The following JAK2 variants were observed in gnomAD, a reference collection of about 807,000 sequenced individuals.
The protein encoded by JAK2 is tyrosine-protein kinase JAK2.
JAK2 carries 86 observed loss-of-function variants against 139.3 expected under a neutral mutation model. That is an observed-to-expected ratio of 0.62 (90% confidence interval 0.52 to 0.74). The LOEUF is 0.74. Ranked by LOEUF, JAK2 falls within the 30% of genes least tolerant of loss-of-function variation. JAK2 has a pLI of 0.00. For synonymous variants in JAK2, 490 were observed against 437.7 expected (o/e 1.12, Z -1.49); for missense variants, 1,421 against 1,360.3 (o/e 1.04, Z -0.70).
chr9:4,998,983 G>A (rs148462161), intron 2 of JAK2, among the ~76,000 whole-genome samples: 9,252 of 150,684 alleles, frequency 0.061, 389 homozygotes, highest in Non-Finnish European at 0.098. Flanking sequence ...CACCACGCCC[G>A]GCTATTTTTT....
intron 19 of JAK2, among the ~76,000 whole-genome samples, chr9:5,088,903 T>A (rs1034072): frequency 0.24 from 36,785 of 152,188 alleles, 4,889 homozygotes; most frequent in South Asian, 0.3. Context: ...TACAGTCATA[T>A]TGGGGGTTAA....
At position 5,086,256 on chromosome 9, in the gene JAK2, C is replaced by T. The variant is rs190050376; in HGVS notation, c.2572-3418C>T. 37 of 501,734 alleles carry T rather than the reference C, an allele frequency of 7.4e-5. No individual in the cohort carries two copies. The East Asian group carries it at 5.0e-3, about 68-fold the overall frequency. 31.1% of individuals were successfully genotyped at this position (501,734 alleles called of 1,614,324 possible). A position where few individuals can be genotyped will look rare whatever the true frequency, so the allele number is the denominator to read the frequency against. The stretch of plus-strand genomic sequence containing the variant: ...TGAAAGTCGCGGTAGGATGGTGGCT[C>T]CGCCTCTGGCCCGCGATCCTCCTGC... On this transcript the variant is annotated intron_variant, in intron 19 of 24. Transcript: ENST00000381652.
Position 5,041,240 on chromosome 9 carries a change from C to T in JAK2, c.351-3163C>T, listed in dbSNP as rs1816483182. 4.1e-6 allele frequency: 6 copies of T among 1,463,990 alleles called. No homozygotes were observed. The South Asian group carries it at 4.6e-5, about 11-fold the overall frequency. The allele number at this position is 1,463,990 out of a possible 1,614,324, so 90.7% of individuals were successfully genotyped here. On this transcript the variant is annotated intron_variant, in intron 4 of 24. Transcript: ENST00000381652. ...GGTGGGGCGCCCGGGGACCAAGCGG[C>T]AGCACGCCATCCACATCATCGACCT... is the stretch of plus-strand genomic sequence containing the variant.
At chr9:5,096,735 G>C (rs191692901) in intron 22 of JAK2, 138 of 152,194 alleles carry the variant, frequency 9.1e-4, no homozygotes, top group African/African-American at 3.3e-3. Context: ...GCTGTTCGGC[G>C]CATGAGTGGG....
chr9:4,989,867 A>G (rs536632063), intron 2 of JAK2, among the ~76,000 whole-genome samples: 1 of 152,348 alleles, frequency 6.6e-6, no homozygotes, highest in South Asian at 2.1e-4. Flanking sequence ...TTGGAATTTG[A>G]TTATGGATGT....
intron 22 of JAK2, among the ~76,000 whole-genome samples, chr9:5,116,427 A>C (rs940423523): frequency 6.6e-6 from 1 of 152,236 alleles, no homozygotes; most frequent in East Asian, 1.9e-4. Flanking sequence ...CGTTCATCTA[A>C]TTACTTTTAG....
intron 23 of JAK2, among the ~76,000 whole-genome samples, chr9:5,125,749 T>C (rs1823946210): frequency 6.6e-6 from 1 of 151,596 alleles, no homozygotes; most frequent in African/African-American, 2.4e-5. Flanking sequence ...TGGTTGACTA[T>C]ATATTTGTTG....
At chr9:5,119,589 T>C (rs1428689192) in intron 22 of JAK2, among the ~76,000 whole-genome samples, 1 of 152,126 alleles carries the variant, frequency 6.6e-6, no homozygotes, top group African/African-American at 2.4e-5. Flanking sequence ...CATTACTTAA[T>C]TTGCAATAAA....
chr9:5,118,288 C>G (rs1823358678), intron 22 of JAK2, among the ~76,000 whole-genome samples: 1 of 152,132 alleles, frequency 6.6e-6, no homozygotes, highest in Non-Finnish European at 1.5e-5. Flanking sequence ...AAATAGTATT[C>G]CCACTTCCCT....
intron 4 of JAK2, among the ~76,000 whole-genome samples, chr9:5,040,456 C>G (rs1309259017): frequency 6.6e-6 from 1 of 152,174 alleles, no homozygotes; most frequent in Non-Finnish European, 1.5e-5. Context: ...TTAAGTTAGG[C>G]TTTATCAAAG....
chr9:5,049,965 T>A (rs1006927488), intron 5 of JAK2, among the ~76,000 whole-genome samples: 2 of 152,192 alleles, frequency 1.3e-5, no homozygotes, highest in African/African-American at 4.8e-5. Context: ...TACAATCTTA[T>A]GGAACCATCG....
Position 5,055,741 on chromosome 9 carries a change from A to G in JAK2, c.1009A>G (p.Asn337Asp), listed in dbSNP as rs149683525. The G allele has an allele frequency of 2.3e-4, 376 of 1,610,998 alleles. 2 individuals carry two copies. In the African/African-American group the frequency reaches 4.2e-3, roughly 18 times the overall value. ...SIKQANQEGS[N>D]ESRVVTIHKQ... is the part of the protein sequence containing the mutation. ...TAAGCAAGCAAACCAAGAGGGTTCAAATGAAAGCCGAGTTGTAACTATCCA... is the reference window on the plus strand; with the variant it reads ...TAAGCAAGCAAACCAAGAGGGTTCAGATGAAAGCCGAGTTGTAACTATCCA... Residue 337 changes from asparagine (N) to aspartate (D), a missense_variant, in exon 8 of 25, where the codon AAT becomes GAT. By Grantham distance (23) the Asn-to-Asp change is conservative. Transcript: ENST00000381652.
At chr9:4,991,557 C>G (rs1820248546) in intron 2 of JAK2, among the ~76,000 whole-genome samples, 1 of 152,114 alleles carries the variant, frequency 6.6e-6, no homozygotes. Context: ...TGAGTCTTGT[C>G]TATTGAGGGA....
chr9:5,025,930 G>C (rs1822755787), intron 3 of JAK2, among the ~76,000 whole-genome samples: 1 of 151,986 alleles, frequency 6.6e-6, no homozygotes, highest in Non-Finnish European at 1.5e-5. Context: ...CAAGTTTATT[G>C]GCATAATGTT....
Position 5,102,693 on chromosome 9 carries a change from T to C in JAK2, c.3059+11782T>C, listed in dbSNP as rs189699146. On this transcript the variant is annotated intron_variant, in intron 22 of 24. Transcript: ENST00000381652. ...AAGCCCATCAGACTAACAGCGGATCTCTCAGCAGAAACTCTACAAGCCAGA... is the reference window on the plus strand; with the variant it reads ...AAGCCCATCAGACTAACAGCGGATCCCTCAGCAGAAACTCTACAAGCCAGA... Among the ~76,000 whole-genome samples the C allele has an allele frequency of 2.9e-3, 445 of 152,306 alleles. 2 individuals carry two copies. The highest frequency in any genetic ancestry group is 0.01 in the African/African-American group (418 of 41,568).
intron 5 of JAK2, among the ~76,000 whole-genome samples, chr9:5,047,798 G>C (rs530031111): frequency 6.6e-6 from 1 of 151,854 alleles, no homozygotes; most frequent in Non-Finnish European, 1.5e-5. Flanking sequence ...ATGGGGTCTC[G>C]CTCTATTGTC....
intron 23 of JAK2, chr9:5,126,119 T>C (rs933188112): frequency 4.6e-5 from 19 of 417,166 alleles, no homozygotes; most frequent in Middle Eastern, 6.4e-4. Context: ...GGGATTTGTG[T>C]TGAGTTTATT....
chr9:5,099,873 C>A (rs1821329633), intron 22 of JAK2: 1 of 152,120 alleles, frequency 6.6e-6, no homozygotes, highest in African/African-American at 2.4e-5. Context: ...GTATAGCAAT[C>A]CCCCTGTGAG....
chr9:5,123,687 G>A (rs183073081), intron 23 of JAK2, among the ~76,000 whole-genome samples: 3 of 151,870 alleles, frequency 2.0e-5, no homozygotes, highest in South Asian at 2.1e-4. Flanking sequence ...ATGCTGGATC[G>A]AATGGTAGTT....
Sources: gnomAD v4.1 joint callset for allele counts (sites outside exome capture counted in the v4.1 genomes callset) on GRCh38, gnomAD v4.1.1 for gene constraint, MANE v1.5 for transcripts, NCBI Gene and HGNC (gene_info 2026-07-23, HGNC 2026-07-21) for gene names.